Variants in EPHA3 observed in about 807,000 individuals in gnomAD.
The protein encoded by EPHA3 is ephrin type-A receptor 3.
EPHA3 carries 42 observed loss-of-function variants against 107.1 expected under a neutral mutation model. That is an observed-to-expected ratio of 0.39 (90% CI 0.31 to 0.51). The LOEUF is 0.51. EPHA3 is among the 20% of genes least tolerant of loss of function. The pLI, the probability that EPHA3 is intolerant of heterozygous loss-of-function variation, is 0.78. For missense variants in EPHA3, 1,183 were observed against 1,211.2 expected (o/e 0.98, Z 0.35); for synonymous variants, 461 against 424.8 (o/e 1.09, Z -1.05).
At chr3:89,181,688 T>TGG (rs1336705270) in intron 2 of EPHA3, among the ~76,000 whole-genome samples, 1 of 151,892 alleles carries the variant, frequency 6.6e-6, no homozygotes, top group Non-Finnish European at 1.5e-5. Context: ...CTCCATAATC[T>TGG]GGGGGTATAG....
At chr3:89,243,121 A>G (rs971162235) in intron 3 of EPHA3, among the ~76,000 whole-genome samples, 4 of 152,034 alleles carry the variant, frequency 2.6e-5, no homozygotes, top group Non-Finnish European at 4.4e-5. Context: ...TCCATGGTGT[A>G]TATGTGCCAT....
intron 1 of EPHA3, among the ~76,000 whole-genome samples, chr3:89,111,320 C>T (rs1158873781): frequency 6.6e-6 from 1 of 151,976 alleles, no homozygotes; most frequent in Non-Finnish European, 1.5e-5. Context: ...CACTTTTCCT[C>T]AAATAAGAAC....
rs373349368 is a variant in EPHA3 at position 89,292,428 on chromosome 3, G to A, written c.815-48488G>A. On this transcript the variant is annotated intron_variant, in intron 3 of 16. Coordinates refer to ENST00000336596, the MANE Select transcript of EPHA3 (RefSeq NM_005233.6). ...TTTATATAAGGGACTGGACATCCAC[G>A]AATTTTGGCATCCACAGGGGTCCTG... is the stretch of plus-strand genomic sequence containing the variant. Among the ~76,000 whole-genome samples, 80 of 152,226 alleles carry A rather than the reference G, an allele frequency of 5.3e-4. 1 individual carries two copies. The East Asian group carries it at 0.012, about 22-fold the overall frequency.
chr3:89,121,591 T>A (rs1184231174), intron 1 of EPHA3, among the ~76,000 whole-genome samples: 2 of 152,056 alleles, frequency 1.3e-5, no homozygotes, highest in African/African-American at 4.8e-5. Context: ...ACCCCGTCTC[T>A]ACTAAAAGTA....
At position 89,399,370 on chromosome 3, in the gene EPHA3, C is replaced by CCAT. The variant is rs1273389333; in HGVS notation, c.1487_1489dup (p.Ile496dup). On this transcript the variant is annotated inframe_insertion, in exon 7 of 17. Transcript: ENST00000336596. ...CTGAGGGCAAGAGGCACAAATGTTACCATCAGTAGCCTCAAGCCTGACACT... is the reference window on the plus strand; with the variant it reads ...CTGAGGGCAAGAGGCACAAATGTTACCATCATCAGTAGCCTCAAGCCTGACACT... 6.2e-7 allele frequency: 1 copy of CCAT among 1,613,796 alleles called. No homozygotes were observed. The highest frequency in any genetic ancestry group is 8.5e-7 in the Non-Finnish European group (1 of 1,179,802).
At chr3:89,172,845 T>C (rs992865904) in intron 2 of EPHA3, among the ~76,000 whole-genome samples, 3 of 152,172 alleles carry the variant, frequency 2.0e-5, no homozygotes, top group African/African-American at 7.2e-5. Context: ...GTCTCTGTAA[T>C]AAAAATAAAG....
chr3:89,242,871 G>C (rs568536148), intron 3 of EPHA3, among the ~76,000 whole-genome samples: 1 of 151,476 alleles, frequency 6.6e-6, no homozygotes, highest in South Asian at 2.1e-4. Flanking sequence ...GTCATTTAAC[G>C]TTTGGTATAT....
intron 3 of EPHA3, among the ~76,000 whole-genome samples, chr3:89,293,902 A>T (rs575371140): frequency 3.3e-5 from 5 of 152,176 alleles, no homozygotes; most frequent in Non-Finnish European, 7.3e-5. Flanking sequence ...GTAGTGTGAA[A>T]GCAATCACAA....
chr3:89,277,837 T>C (rs967055927), intron 3 of EPHA3, among the ~76,000 whole-genome samples: 27 of 152,276 alleles, frequency 1.8e-4, no homozygotes, highest in African/African-American at 6.0e-4. Context: ...TGTTCTGTTT[T>C]CTCCTTTTTA....
In EPHA3 at chr3:89,471,954, G is replaced by A. The variant is rs535759435; in HGVS notation, c.2691-510G>A. 1.8e-3 allele frequency among the ~76,000 whole-genome samples: 276 copies of A among 151,896 alleles called. 1 individual carries two copies. The highest frequency in any genetic ancestry group is 6.4e-3 in the African/African-American group (266 of 41,420). ...ATGACATGCAGCATTATTTAACTCT[G>A]TATTGAGTTTATGTCCTGCTGTGAG... On this transcript the variant is annotated intron_variant, in intron 15 of 16. Transcript: ENST00000336596.
At chr3:89,209,529 A>C (rs1046425680) in intron 2 of EPHA3, among the ~76,000 whole-genome samples, 4 of 152,244 alleles carry the variant, frequency 2.6e-5, no homozygotes, top group Middle Eastern at 3.4e-3. Context: ...AAAAACACCC[A>C]AAAACATATG....
chr3:89,315,064 T>A (rs1164217757), intron 3 of EPHA3, among the ~76,000 whole-genome samples: 2 of 151,788 alleles, frequency 1.3e-5, no homozygotes, highest in Non-Finnish European at 1.5e-5. Flanking sequence ...TATCTAAACA[T>A]AGAAAAGGTA....
chr3:89,283,125 AG>A (rs1377066437), intron 3 of EPHA3, among the ~76,000 whole-genome samples: 1 of 152,152 alleles, frequency 6.6e-6, no homozygotes, highest in Non-Finnish European at 1.5e-5. Context: ...GTGCAGTAAC[AG>A]GGCATGAACA....
At chr3:89,323,124 G>A (rs1707081668) in intron 3 of EPHA3, among the ~76,000 whole-genome samples, 1 of 152,056 alleles carries the variant, frequency 6.6e-6, no homozygotes, top group South Asian at 2.1e-4. Context: ...GGCAAATGTG[G>A]TTTAATATTG....
intron 12 of EPHA3, among the ~76,000 whole-genome samples, chr3:89,430,189 C>A (rs558429519): frequency 6.6e-6 from 1 of 151,912 alleles, no homozygotes; most frequent in African/African-American, 2.4e-5. Context: ...TCATTGCAGG[C>A]GATAAGAAAA....
At chr3:89,380,900 C>T (rs940603144) in intron 5 of EPHA3, among the ~76,000 whole-genome samples, 1 of 151,978 alleles carries the variant, frequency 6.6e-6, no homozygotes, top group Non-Finnish European at 1.5e-5. Flanking sequence ...TCCCAAGTAG[C>T]TGGGATTACA....
intron 15 of EPHA3, among the ~76,000 whole-genome samples, chr3:89,455,342 A>G (rs1710075154): frequency 6.6e-6 from 1 of 152,202 alleles, no homozygotes; most frequent in Admixed American, 6.5e-5. Context: ...TTCTTGGCAC[A>G]GGATTAAAAA....
rs1576308506 is a variant in EPHA3, at chr3:89,318,152, T to C, written c.815-22764T>C. 2.0e-5 allele frequency among the ~76,000 whole-genome samples: 3 copies of C among 152,022 alleles called. No homozygotes were observed. The Admixed American group carries it at 2.0e-4, about 10-fold the overall frequency. On this transcript the variant is annotated intron_variant, in intron 3 of 16. Coordinates refer to ENST00000336596, the MANE Select transcript of EPHA3 (RefSeq NM_005233.6). ...CTTGGATCATATGAATATTTTATTA[T>C]TGATTTTTGTAACATCATATTTTAC...
At chr3:89,455,196 C>T (rs921206481) in intron 15 of EPHA3, among the ~76,000 whole-genome samples, 1 of 151,782 alleles carries the variant, frequency 6.6e-6, no homozygotes, top group Non-Finnish European at 1.5e-5. Context: ...CAAGTACAGA[C>T]CAGAGGAAGG....
Sources: allele counts gnomAD v4.1 joint callset (sites outside exome capture counted in the v4.1 genomes callset), GRCh38; gene constraint gnomAD v4.1.1; transcripts MANE v1.5; gene names NCBI Gene and HGNC (gene_info 2026-07-23, HGNC 2026-07-21).